The following DST variants were observed in gnomAD, a reference collection of about 807,000 sequenced individuals.
DST encodes the protein dystonin, also known as bullous pemphigoid antigen.
A neutral mutation model predicts 875.2 loss-of-function variants in DST; 253 were observed. The ratio of observed to expected loss-of-function variants is 0.29; its 90% CI spans 0.26 to 0.32. The LOEUF (loss-of-function observed/expected upper bound fraction) is 0.32. DST is among the 10% of genes least tolerant of loss of function. DST has a pLI of 1.00. For missense variants in DST, 8,287 were observed against 9,111.6 expected, an observed-to-expected ratio of 0.91 and a Z score of 3.68; for synonymous variants, 3,124 against 3,197.1, an observed-to-expected ratio of 0.98 and a Z score of 0.77.
intron 3 of DST, among the ~76,000 whole-genome samples, chr6:56,890,722 C>T (rs769987130): frequency 6.6e-5 from 10 of 152,206 alleles, no homozygotes; most frequent in Admixed American, 4.6e-4. Context: ...TCACATAACA[C>T]TTCAAGAGGA....
At chr6:56,950,028 A>G (rs1245264879) in intron 2 of DST, among the ~76,000 whole-genome samples, 2 of 152,202 alleles carry the variant, frequency 1.3e-5, no homozygotes, top group Admixed American at 1.3e-4. Flanking sequence ...AATGTCAACT[A>G]AAAACTCAAT....
intron 3 of DST, chr6:56,863,186 T>C (rs1772195963): frequency 6.6e-6 from 1 of 152,190 alleles, no homozygotes; most frequent in Non-Finnish European, 1.5e-5. Context: ...GGTAATGAAG[T>C]GTTATGGAGC....
intron 51 of DST, 88 bp from the exon 52 acceptor site, chr6:56,573,152 A>T (rs1403426603): frequency 1.7e-6 from 2 of 1,158,874 alleles, no homozygotes; most frequent in African/African-American, 1.6e-5. Context: ...TCCTAACAAC[A>T]TAAGCTTGCA....
chr6:56,772,312 G>C (rs2099668231), intron 4 of DST, among the ~76,000 whole-genome samples: 1 of 152,078 alleles, frequency 6.6e-6, no homozygotes, highest in Non-Finnish European at 1.5e-5. Flanking sequence ...AAAAATACAT[G>C]TTACTTATTA....
chr6:56,676,426 T>C (rs2099130457), intron 9 of DST, among the ~76,000 whole-genome samples: 1 of 152,152 alleles, frequency 6.6e-6, no homozygotes, highest in Non-Finnish European at 1.5e-5. Context: ...TTGGTGGGAA[T>C]GTAAGTTAGT....
rs1297256438 is a variant in DST at position 56,605,294 on chromosome 6, C to T, written c.9334G>A (p.Ala3112Thr). 1.9e-6 allele frequency: 3 copies of T among 1,611,482 alleles called. No homozygotes were observed. The highest frequency in any genetic ancestry group is 1.1e-5 in the South Asian group (1 of 90,914). The change falls in exon 40 of 104, where the codon GCA (alanine) becomes ACA (threonine). Residue 3112 changes from alanine to threonine, a missense_variant. This residue lies in a region of DST where 3,138 missense variants were observed against 3,116.6 expected (regional missense o/e 1.01). Transcript: ENST00000680361. Reference sequence around the variant, plus strand: ...GGTTCATCTTTAAGAGTTACAGTTGCTTTTTTAAGGCTTCCTTTCTGATTA... The same window carrying T: ...GGTTCATCTTTAAGAGTTACAGTTGTTTTTTTAAGGCTTCCTTTCTGATTA... Reference protein sequence around the residue: ...ELNQKGSLKKATVTLKDEPNN... With the variant: ...ELNQKGSLKKTTVTLKDEPNN...
intron 10 of DST, among the ~76,000 whole-genome samples, chr6:56,670,136 G>GTC (rs1024326893): frequency 4.9e-4 from 24 of 49,410 alleles, no homozygotes; most frequent in African/African-American, 1.0e-3. Flanking sequence ...GCCCGTGCGT[G>GTC]TGTGTGTGTG....
rs1324080812 is a variant in DST at position 56,552,613 on chromosome 6, T to C, written c.16179A>G (p.Glu5393=). 3 of 1,613,810 alleles carry C rather than the reference T, an allele frequency of 1.9e-6. No homozygotes were observed. The African/African-American group carries it at 4.0e-5, about 22-fold the overall frequency. ...GIGHFQNTIR[E]MFSQFAEFDD... Reference sequence around the variant, plus strand: ...CAAACTCTGCGAACTGAGAAAACATTTCTCGAATGGTATTCTGGAAATGCC... The same window carrying C: ...CAAACTCTGCGAACTGAGAAAACATCTCTCGAATGGTATTCTGGAAATGCC... Residue 5393 remains glutamate (E), a synonymous_variant, in exon 61 of 104, where the codon GAA becomes GAG. Transcript: ENST00000680361.
At position 56,482,754 on chromosome 6, in the gene DST, T is replaced by C; in HGVS notation, c.21331A>G (p.Ser7111Gly). 6.2e-7 allele frequency: 1 copy of C among 1,613,954 alleles called. No individual in the cohort carries two copies. Among genetic ancestry groups the C allele is most frequent in the African/African-American group, 1.3e-5 (1 of 75,046 alleles). Reference protein sequence around the residue: ...SWVKVQMQELSTRWETVCALS... With the variant: ...SWVKVQMQELGTRWETVCALS... The stretch of plus-strand genomic sequence containing the variant: ...GCACACACGGTCTCCCAGCGTGTGC[T>C]TAATTCCTGCATCTGGACCTTGACC... The change falls in exon 89 of 104, where the codon AGC becomes GGC. Residue 7111 changes from serine to glycine, a missense_variant. Coordinates refer to ENST00000680361, the MANE Select transcript of DST (RefSeq NM_001374736.1).
intron 34 of DST, 149 bp from the exon 35 acceptor site, chr6:56,625,413 A>G: frequency 3.2e-6 from 2 of 622,468 alleles, no homozygotes; most frequent in Non-Finnish European, 5.7e-6. Flanking sequence ...GATTCATTAA[A>G]TTAAGTTTAA....
In DST at chr6:56,569,878, C is replaced by T; in HGVS notation, c.13856G>A (p.Gly4619Glu). 1.2e-6 allele frequency: 2 copies of T among 1,612,012 alleles called. No homozygotes were observed. The highest frequency in any genetic ancestry group is 1.7e-6 in the Non-Finnish European group (2 of 1,179,302). The change falls in exon 54 of 104, where the codon GGA becomes GAA. Residue 4619 changes from glycine to glutamate, a missense_variant. This residue lies in a region of DST where 1,513 missense variants were observed against 1,677.8 expected (regional missense o/e 0.90). Coordinates refer to ENST00000680361, the MANE Select transcript of DST (RefSeq NM_001374736.1). Reference sequence around the variant, plus strand: ...CACCTTAGTGTCTTCCAAAGATTTTCCTAAATCCTCTGCACCAAAAGAAGG... The same window carrying T: ...CACCTTAGTGTCTTCCAAAGATTTTTCTAAATCCTCTGCACCAAAAGAAGG... The part of the protein sequence containing the change: ...VQPSFGAEDL[G>E]KSLEDTKKLQ...
chr6:56,708,273 C>A (rs1461277210), intron 5 of DST, among the ~76,000 whole-genome samples: 2 of 152,030 alleles, frequency 1.3e-5, no homozygotes, highest in African/African-American at 4.8e-5. Flanking sequence ...AACAAAAAGT[C>A]TGTAATCTTT....
chr6:56,650,908 G>C lies in DST; in HGVS notation c.1434+18C>G. 1 of 1,522,360 alleles carries C rather than the reference G, an allele frequency of 6.6e-7. No individual in the cohort carries two copies. The highest frequency in any genetic ancestry group is 1.2e-5 in the South Asian group (1 of 86,622). 94.3% of individuals were successfully genotyped at this position (1,522,360 alleles called of 1,614,324 possible). On this transcript the variant is annotated intron_variant, in intron 12 of 103. Transcript: ENST00000680361. Reference sequence around the variant, plus strand: ...TTACTGAATCAACAGCTTCCGGTGTGGAAAAATCAATACTCACATTTGCAC... The same window carrying C: ...TTACTGAATCAACAGCTTCCGGTGTCGAAAAATCAATACTCACATTTGCAC...
intron 4 of DST, among the ~76,000 whole-genome samples, chr6:56,818,840 T>C (rs2099769708): frequency 1.3e-5 from 2 of 152,170 alleles, no homozygotes; most frequent in Admixed American, 6.6e-5. Flanking sequence ...ATACTTTCCA[T>C]AGGAACTGGT....
In DST at chr6:56,702,858, AG is replaced by A. The variant is rs141474314; in HGVS notation, c.876+789del. ...ACAGCTTGGCTTCTTCAATATGTATAGGTTGCTGAAGCCAAAGGTGCCATAA... is the reference window on the plus strand; with the variant it reads ...ACAGCTTGGCTTCTTCAATATGTATAGTTGCTGAAGCCAAAGGTGCCATAA... On this transcript the variant is annotated intron_variant, in intron 7 of 103. Transcript: ENST00000680361. Among the ~76,000 whole-genome samples, 1,474 of 152,342 alleles carry A rather than the reference AG, an allele frequency of 9.7e-3. 25 individuals carry two copies. The highest frequency in any genetic ancestry group is 0.034 in the African/African-American group (1,397 of 41,576).
chr6:56,573,370 A>C (rs896151138), intron 51 of DST, among the ~76,000 whole-genome samples: 4 of 152,210 alleles, frequency 2.6e-5, no homozygotes, highest in Non-Finnish European at 5.9e-5. Flanking sequence ...AAGACTAGAC[A>C]AGACTGATCT....
intron 2 of DST, among the ~76,000 whole-genome samples, chr6:56,932,412 G>A (rs1810821207): frequency 6.6e-6 from 1 of 152,090 alleles, no homozygotes; most frequent in African/African-American, 2.4e-5. Context: ...GAATGGAAGT[G>A]GACTAATAGA....
chr6:56,860,996 T>TA (rs902191207), intron 3 of DST, among the ~76,000 whole-genome samples: 112 of 147,386 alleles, frequency 7.6e-4, no homozygotes, highest in East Asian at 1.4e-3. Flanking sequence ...ATGTTAGTGT[T>TA]AAAAAAAAAA....
rs1245295401 is a variant in DST, at chr6:56,630,297, T to G, written c.4229A>C (p.Glu1410Ala). The change falls in exon 31 of 104, where the codon GAA (glutamate) becomes GCA (alanine). Residue 1410 changes from glutamate to alanine, a missense_variant. By Grantham distance (107) the Glu-to-Ala change is moderately radical. Around this residue, in one of 10 missense-constraint regions of DST, gnomAD observed 3,138 missense variants for 3,116.6 expected, o/e 1.01. Transcript: ENST00000680361. The part of the protein sequence containing the change: ...KLYETKLCEE[E>A]AVIADKNNIE... The stretch of plus-strand genomic sequence containing the variant: ...ATTATTCTTGTCAGCTATAACTGCT[T>G]CTTCTTCACACAGTTTAGTTTCATA... 1.9e-6 allele frequency: 3 copies of G among 1,610,214 alleles called. No homozygotes were observed. Among genetic ancestry groups the G allele is most frequent in the East Asian group, 2.2e-5 (1 of 44,816 alleles).
Sources: allele counts gnomAD v4.1 joint callset (sites outside exome capture counted in the v4.1 genomes callset), GRCh38; gene constraint gnomAD v4.1.1; regional missense constraint gnomAD v4.1.1; transcripts MANE v1.5; gene names NCBI Gene and HGNC (gene_info 2026-07-23, HGNC 2026-07-21).